DMD: variants seen among roughly 807,000 people sequenced by gnomAD.
The protein encoded by DMD is mutant dystrophin.
Under a neutral mutation model 330.1 loss-of-function variants are expected in DMD, and 63 were observed. That is an observed-to-expected ratio of 0.19 (90% CI 0.16 to 0.24). DMD has a LOEUF of 0.24. Ranked by LOEUF, DMD falls within the 10% of genes least tolerant of loss-of-function variation. DMD has a pLI of 1.00. For missense variants in DMD, 3,344 were observed against 2,684.1 expected (o/e 1.25, Z -5.43); for synonymous variants, 1,223 against 959.8 (o/e 1.27, Z -5.07).
At chrX:32,906,461 C>G (rs2086735948) in intron 2 of DMD, among the ~76,000 whole-genome samples, 1 of 111,637 alleles carries the variant, frequency 9.0e-6, no homozygotes, top group Non-Finnish European at 1.9e-5. Flanking sequence ...ACAGCAATGC[C>G]AGAATGGACT....
chrX:33,156,217 A>T (rs941996223), intron 1 of DMD, among the ~76,000 whole-genome samples: 4 of 112,325 alleles, frequency 3.6e-5, no homozygotes, highest in African/African-American at 1.3e-4. Context: ...ATCAAATGAA[A>T]AATAATCCTT....
chrX:31,926,599 C>T (rs1355766138), intron 47 of DMD, among the ~76,000 whole-genome samples: 1 of 110,192 alleles, frequency 9.1e-6, no homozygotes, highest in Non-Finnish European at 1.9e-5. Context: ...TCACTTGAAC[C>T]CGGGAGGTGG....
At chrX:32,542,015 G>A (rs1187844088) in intron 17 of DMD, among the ~76,000 whole-genome samples, 2 of 111,597 alleles carry the variant, frequency 1.8e-5, no homozygotes, top group East Asian at 2.8e-4. Flanking sequence ...ATGCACAAGC[G>A]GAAATAGCTT....
chrX:32,789,576 G>A (rs2075664734), intron 7 of DMD, among the ~76,000 whole-genome samples: 1 of 111,967 alleles, frequency 8.9e-6, no homozygotes, highest in Non-Finnish European at 1.9e-5. Context: ...AGTCTTGTGA[G>A]AAATAACACG....
At chrX:32,019,751 C>T in intron 44 of DMD, among the ~76,000 whole-genome samples, 1 of 112,367 alleles carries the variant, frequency 8.9e-6, no homozygotes, top group African/African-American at 3.2e-5. Flanking sequence ...GACTGTAATT[C>T]CTGACGCTGT....
chrX:32,701,452 A>G (rs757223985), intron 7 of DMD, among the ~76,000 whole-genome samples: 18 of 111,958 alleles, frequency 1.6e-4, no homozygotes, highest in African/African-American at 5.8e-4. Context: ...TAATAATCTT[A>G]CAAACTTAGC....
intron 1 of DMD, among the ~76,000 whole-genome samples, chrX:33,256,631 G>A (rs189533833): frequency 3.4e-4 from 37 of 108,295 alleles, no homozygotes; most frequent in African/African-American, 1.1e-3. Context: ...TCAAAAGAAG[G>A]TATATTTACA....
chrX:31,546,973 G>C (rs1456861297), intron 55 of DMD, among the ~76,000 whole-genome samples: 1 of 112,313 alleles, frequency 8.9e-6, no homozygotes, highest in Non-Finnish European at 1.9e-5. Flanking sequence ...AAAAATCAAA[G>C]CGATAACTCA....
intron 47 of DMD, among the ~76,000 whole-genome samples, chrX:31,910,173 G>T (rs1418953067): frequency 9.1e-6 from 1 of 109,348 alleles, no homozygotes; most frequent in African/African-American, 3.3e-5. Context: ...TGTGGATGTG[G>T]ATTTGTTGGA....
At chrX:31,961,642 C>G (rs1464951226) in intron 45 of DMD, among the ~76,000 whole-genome samples, 1 of 107,431 alleles carries the variant, frequency 9.3e-6, no homozygotes, top group African/African-American at 3.4e-5. Context: ...GAGCAGGTCA[C>G]AATTCATTGA....
At chrX:32,021,228 C>T (rs933306445) in intron 44 of DMD, among the ~76,000 whole-genome samples, 7 of 111,569 alleles carry the variant, frequency 6.3e-5, no homozygotes, top group Admixed American at 9.5e-5. Context: ...CATTGATGAA[C>T]GTAAATATGT....
At chrX:32,784,691 T>C (rs1478905570) in intron 7 of DMD, among the ~76,000 whole-genome samples, 6 of 111,843 alleles carry the variant, frequency 5.4e-5, no homozygotes, top group African/African-American at 1.9e-4. Context: ...TAAGAACTAC[T>C]GTATGGATCC....
At chrX:33,086,938 C>T (rs927637901) in intron 1 of DMD, among the ~76,000 whole-genome samples, 7 of 110,366 alleles carry the variant, frequency 6.3e-5, no homozygotes, top group African/African-American at 9.9e-5. Context: ...AATAAGAATG[C>T]GAAGGTAGAA....
chrX:31,450,949 C>T (rs2065669933), intron 59 of DMD, among the ~76,000 whole-genome samples: 1 of 111,553 alleles, frequency 9.0e-6, no homozygotes, highest in Non-Finnish European at 1.9e-5. Flanking sequence ...GCTTTAGCAG[C>T]TAATACTCAG....
At chrX:31,348,205 C>T (rs2058203841) in intron 61 of DMD, 3 of 233,266 alleles carry the variant, frequency 1.3e-5, no homozygotes, top group African/African-American at 2.9e-5. Context: ...CTTCAGCAGC[C>T]CATATACTAA....
intron 47 of DMD, 129 bp downstream of exon 47, chrX:31,929,467 A>C (rs1223847414): frequency 4.7e-6 from 4 of 843,539 alleles, no homozygotes; most frequent in Non-Finnish European, 6.9e-6. Flanking sequence ...GTCAGGTTAA[A>C]AAAACAAAAC....
At chrX:32,602,668 G>C (rs181500307) in intron 12 of DMD, among the ~76,000 whole-genome samples, 1 of 111,355 alleles carries the variant, frequency 9.0e-6, no homozygotes, top group Non-Finnish European at 1.9e-5. Flanking sequence ...TAAGCATTTT[G>C]ATTCTGAGTA....
chrX:32,463,866 G>GA (rs772016156), intron 24 of DMD, among the ~76,000 whole-genome samples: 2 of 112,041 alleles, frequency 1.8e-5, no homozygotes, highest in African/African-American at 6.5e-5. Context: ...TTTCTGGTTA[G>GA]AAAAATGTGT....
chrX:31,518,004 C>G (rs971953857), intron 55 of DMD, among the ~76,000 whole-genome samples: 1 of 108,408 alleles, frequency 9.2e-6, no homozygotes, highest in African/African-American at 3.4e-5. Flanking sequence ...ACCATTGACA[C>G]CAAATGACAA....
Sources: allele counts gnomAD v4.1 joint callset (sites outside exome capture counted in the v4.1 genomes callset), GRCh38; gene constraint gnomAD v4.1.1; transcripts MANE v1.5; gene names NCBI Gene and HGNC (gene_info 2026-07-23, HGNC 2026-07-21).